Variants in TJP1 observed in about 807,000 individuals in gnomAD.
The protein encoded by TJP1 is tight junction protein ZO-1.
Under a neutral mutation model 194.2 loss-of-function variants are expected in TJP1, and 43 were observed. That is an observed-to-expected ratio of 0.22 (90% confidence interval 0.17 to 0.29). The LOEUF (loss-of-function observed/expected upper bound fraction) is 0.29. TJP1 is among the 10% of genes least tolerant of loss of function. TJP1 has a pLI of 1.00. For synonymous variants in TJP1, 801 were observed against 779.0 expected (o/e 1.03, Z -0.47); for missense variants, 1,971 against 2,185.7 (o/e 0.90, Z 1.96).
At chr15:29,738,498 C>T (rs1219207018) in intron 10 of TJP1, among the ~76,000 whole-genome samples, 1 of 152,060 alleles carries the variant, frequency 6.6e-6, no homozygotes, top group Admixed American at 6.6e-5. Context: ...GGTTACCTGA[C>T]CTGGAACTAA....
chr15:29,818,607 C>T (rs964069328), intron 1 of TJP1, among the ~76,000 whole-genome samples: 2 of 151,514 alleles, frequency 1.3e-5, no homozygotes, highest in South Asian at 2.1e-4. Flanking sequence ...CGGGTTCAAG[C>T]GTTTCTCCTG....
intron 1 of TJP1, among the ~76,000 whole-genome samples, chr15:29,967,080 C>G (rs1018213613): frequency 1.1e-4 from 16 of 151,734 alleles, no homozygotes; most frequent in Non-Finnish European, 2.1e-4. Flanking sequence ...GTGGCATGAC[C>G]TTGGCTCACT....
chr15:29,734,399 C>A lies in TJP1; in HGVS notation c.1408-17G>T. On this transcript the variant is annotated splice_polypyrimidine_tract_variant and intron_variant, in intron 11 of 27. Coordinates refer to ENST00000614355, the MANE Select transcript of TJP1 (RefSeq NM_001330239.4). Reference sequence around the variant, plus strand: ...GTTGTTTACCTAATAAATAAGATTTCATAAATCATTCTTGGCTGTTTAAGA... The same window carrying A: ...GTTGTTTACCTAATAAATAAGATTTAATAAATCATTCTTGGCTGTTTAAGA... The A allele has an allele frequency of 6.4e-7, 1 of 1,557,408 alleles. No individual in the cohort carries two copies. The highest frequency in any genetic ancestry group is 8.8e-7 in the Non-Finnish European group (1 of 1,133,202).
chr15:29,925,807 G>A (rs1484908970), intron 2 of TJP1, among the ~76,000 whole-genome samples: 2 of 152,110 alleles, frequency 1.3e-5, no homozygotes, highest in East Asian at 1.9e-4. Flanking sequence ...AAAGTTCAAC[G>A]CTTTTCATTA....
At chr15:29,815,946 C>G (rs902098658) in intron 1 of TJP1, among the ~76,000 whole-genome samples, 1 of 151,908 alleles carries the variant, frequency 6.6e-6, no homozygotes, top group Non-Finnish European at 1.5e-5. Flanking sequence ...GGAAGCAGTA[C>G]TACATATACT....
intron 12 of TJP1, 48 bp downstream of exon 12, chr15:29,734,226 C>A: frequency 7.7e-7 from 1 of 1,298,622 alleles, no homozygotes; most frequent in South Asian, 1.4e-5. Flanking sequence ...CTTTGTAAGT[C>A]CTCAAACTCT....
intron 2 of TJP1, among the ~76,000 whole-genome samples, chr15:29,948,561 G>C (rs73371200): frequency 0.051 from 7,826 of 152,194 alleles, 610 homozygotes; most frequent in African/African-American, 0.17. Context: ...GCTTGAAAGA[G>C]AGCCACAGAA....
chr15:29,868,309 ACT>A (rs1412949818), intron 2 of TJP1, among the ~76,000 whole-genome samples: 3 of 152,074 alleles, frequency 2.0e-5, no homozygotes, highest in African/African-American at 4.8e-5. Context: ...GAGGTGGCTA[ACT>A]CTGCTCAATG....
intron 1 of TJP1, among the ~76,000 whole-genome samples, chr15:29,801,911 A>T (rs542620597): frequency 6.6e-6 from 1 of 151,842 alleles, no homozygotes; most frequent in Non-Finnish European, 1.5e-5. Flanking sequence ...CAAAAAAAAA[A>T]ATCTCATAAT....
chr15:29,951,366 C>T (rs968184473), intron 2 of TJP1, among the ~76,000 whole-genome samples: 1 of 152,002 alleles, frequency 6.6e-6, no homozygotes, highest in Non-Finnish European at 1.5e-5. Context: ...CAGGGTTTTA[C>T]CAGGTTGACC....
intron 2 of TJP1, among the ~76,000 whole-genome samples, chr15:29,918,871 C>G (rs1296321835): frequency 1.3e-5 from 2 of 152,054 alleles, no homozygotes; most frequent in South Asian, 2.1e-4. Context: ...GATGGTCCAA[C>G]AGCAAATTTA....
At chr15:29,717,929 C>T in intron 22 of TJP1, 92 bp downstream of exon 22, 2 of 1,052,820 alleles carry the variant, frequency 1.9e-6, no homozygotes, top group Non-Finnish European at 1.4e-6. Context: ...TCACACCTCT[C>T]CTCTACTAAC....
At position 29,906,536 on chromosome 15, in the gene TJP1, A is replaced by T. The variant is rs541780768; in HGVS notation, c.306+49696T>A. Among the ~76,000 whole-genome samples the T allele has an allele frequency of 6.6e-5, 10 of 151,686 alleles. No homozygotes were observed. In the South Asian group the frequency reaches 1.7e-3, roughly 25 times the overall value. ...AGTTTAATAATCTAAAATAAAAATT[A>T]AAAAATGTTCTTGAAAAATACTGGG... On this transcript the variant is annotated intron_variant, in intron 2 of 28. Coordinates refer to the TJP1 transcript ENST00000356107.
chr15:29,863,351 G>A (rs968192563), intron 2 of TJP1, among the ~76,000 whole-genome samples: 1 of 152,094 alleles, frequency 6.6e-6, no homozygotes, highest in Non-Finnish European at 1.5e-5. Flanking sequence ...ATGGTTTGCA[G>A]GAGGTAGAGG....
At chr15:29,813,555 A>G (rs11073279) in intron 1 of TJP1, among the ~76,000 whole-genome samples, 15,881 of 152,252 alleles carry the variant, frequency 0.1, 918 homozygotes, top group South Asian at 0.22. Context: ...AGCCATATAC[A>G]ACAGAATTCA....
intron 2 of TJP1, among the ~76,000 whole-genome samples, chr15:29,908,616 G>A (rs897343799): frequency 6.6e-6 from 1 of 152,230 alleles, no homozygotes; most frequent in African/African-American, 2.4e-5. Flanking sequence ...CCAGTCCCAA[G>A]AGGGTGAATT....
chr15:29,959,069 A>C (rs1364454392), intron 1 of TJP1, among the ~76,000 whole-genome samples: 2 of 151,038 alleles, frequency 1.3e-5, no homozygotes, highest in Admixed American at 1.3e-4. Context: ...ACCTCACTGC[A>C]AGCTCCGTCT....
At chr15:29,727,205 A>AT (rs2043295785) in intron 16 of TJP1, among the ~76,000 whole-genome samples, 1 of 152,072 alleles carries the variant, frequency 6.6e-6, no homozygotes, top group Non-Finnish European at 1.5e-5. Flanking sequence ...CTAGCCAGGC[A>AT]TGGTGGTGCA....
In TJP1 at chr15:29,796,338, T is replaced by C. The variant is rs571970257; in HGVS notation, c.84+4308A>G. 2.9e-5 allele frequency among the ~76,000 whole-genome samples: 4 copies of C among 137,424 alleles called. No homozygotes were observed. In the East Asian group the frequency reaches 7.1e-4, roughly 24 times the overall value. 90.2% of individuals were successfully genotyped at this position (137,424 alleles called of 152,430 possible). A position where few individuals can be genotyped will look rare whatever the true frequency, so the allele number is the denominator to read the frequency against. On this transcript the variant is annotated intron_variant, in intron 2 of 27. Coordinates refer to ENST00000614355, the MANE Select transcript of TJP1 (RefSeq NM_001330239.4). ...AGTAATTTTAAGACTGCAAGGTTGC[T>C]ATAAAAAAAAAAACAAAAAAAAACC...
Sources: gnomAD v4.1 joint callset for allele counts (sites outside exome capture counted in the v4.1 genomes callset) on GRCh38, gnomAD v4.1.1 for gene constraint, MANE v1.5 for transcripts, NCBI Gene and HGNC (gene_info 2026-07-23, HGNC 2026-07-21) for gene names.